RBM26: variants seen among roughly 807,000 people sequenced by gnomAD.
The protein encoded by RBM26 is RNA-binding protein 26.
A neutral mutation model predicts 123.6 loss-of-function variants in RBM26; 30 were observed. The observed-to-expected ratio is 0.24, with a 90% CI of 0.18 to 0.33. RBM26 has a LOEUF of 0.33. RBM26 is among the 10% of genes least tolerant of loss of function. The pLI, the probability that RBM26 is intolerant of heterozygous loss-of-function variation, is 1.00. For missense variants in RBM26, 947 were observed against 1,203.6 expected, an observed-to-expected ratio of 0.79 and a Z score of 3.15; for synonymous variants, 400 against 404.4, an observed-to-expected ratio of 0.99 and a Z score of 0.13.
intron 18 of RBM26, among the ~76,000 whole-genome samples, chr13:79,340,757 G>T (rs974052571): frequency 3.3e-5 from 5 of 151,794 alleles, no homozygotes; most frequent in Admixed American, 3.3e-4. Context: ...ACTAAAACTC[G>T]CATACAGCAA....
chr13:79,380,886 T>C (rs2077022639), intron 1 of RBM26, among the ~76,000 whole-genome samples: 1 of 152,102 alleles, frequency 6.6e-6, no homozygotes, highest in African/African-American at 2.4e-5. Context: ...AATCTTTCTG[T>C]GCCTGGTTTA....
Position 79,405,951 on chromosome 13 carries a change from G to A in RBM26, c.-177C>T, listed in dbSNP as rs551632882. The A allele has an allele frequency of 2.1e-5, 7 of 335,564 alleles. No individual in the cohort carries two copies. The South Asian group carries it at 8.6e-4, about 41-fold the overall frequency. 20.8% of individuals were successfully genotyped at this position (335,564 alleles called of 1,614,324 possible). A position where few individuals can be genotyped will look rare whatever the true frequency, so the allele number is the denominator to read the frequency against. On this transcript the variant is annotated 5_prime_UTR_variant, in exon 1 of 22. Transcript: ENST00000438737. ...AACAGCTCTGCAAGGACCGCCGCAGGCCACAAGTGCACGGGGTGCCAGGAG... is the reference window on the plus strand; with the variant it reads ...AACAGCTCTGCAAGGACCGCCGCAGACCACAAGTGCACGGGGTGCCAGGAG...
chr13:79,354,540 A>C lies in RBM26; in HGVS notation c.1885T>G (p.Leu629Val), dbSNP rs1481904677. 4.4e-6 allele frequency: 7 copies of C among 1,606,582 alleles called. No individual in the cohort carries two copies. Among genetic ancestry groups the C allele is most frequent in the Non-Finnish European group, 6.0e-6 (7 of 1,174,960 alleles). ...TTGACTGACTGCTTCACAACAGGCA[A>C]AATGGGCTGCTGGACTAAAGGCTGC... is the stretch of plus-strand genomic sequence containing the variant. ...VMQPLVQQPI[L>V]PVVKQSVKER... Residue 629 changes from leucine (L) to valine (V), a missense_variant, in exon 13 of 22, where the codon TTG becomes GTG. Leu to Val is a conservative substitution (Grantham distance 32). This residue lies in a region of RBM26 where 493 missense variants were observed against 563.1 expected (regional missense o/e 0.88). Coordinates refer to ENST00000438737, the MANE Select transcript of RBM26 (RefSeq NM_001366735.2).
chr13:79,391,803 T>C (rs2078020351), intron 1 of RBM26, among the ~76,000 whole-genome samples: 1 of 151,708 alleles, frequency 6.6e-6, no homozygotes, highest in African/African-American at 2.4e-5. Flanking sequence ...AAGTTGCAGA[T>C]CATATCACAA....
intron 3 of RBM26, among the ~76,000 whole-genome samples, chr13:79,375,167 TTATA>T (rs1190829150): frequency 8.3e-5 from 11 of 132,460 alleles, no homozygotes; most frequent in Admixed American, 8.1e-4. Flanking sequence ...TTTATATATA[TTATA>T]TATATATATT....
At chr13:79,383,706 T>C (rs1018633) in intron 1 of RBM26, among the ~76,000 whole-genome samples, 143,471 of 152,168 alleles carry the variant, frequency 0.94, 68,092 homozygotes, top group Non-Finnish European at 0.99. Flanking sequence ...TACACAAACA[T>C]ACGTTTATAG....
chr13:79,315,939 A>T (rs1421999654), downstream of RBM26, among the ~76,000 whole-genome samples: 1 of 151,848 alleles, frequency 6.6e-6, no homozygotes, highest in African/African-American at 2.4e-5. Flanking sequence ...CATACCTTTG[A>T]GCAACTAGCC....
chr13:79,353,214 T>A lies in RBM26; in HGVS notation c.1997A>T (p.Lys666Met). The change falls in exon 14 of 22, where the codon AAG becomes ATG. Residue 666 changes from lysine to methionine, a missense_variant. Physicochemically the swap from Lys to Met is moderately conservative, Grantham distance 95. Around this residue, in one of 5 missense-constraint regions of RBM26, gnomAD observed 493 missense variants for 563.1 expected, o/e 0.88. Coordinates refer to ENST00000438737, the MANE Select transcript of RBM26 (RefSeq NM_001366735.2). ...ASSDLPQNVT[K>M]LSVKDRLGFV... is the part of the protein sequence containing the mutation. ...ACCCAACCTGTCCTTCACAGATAAC[T>A]TAGTTACATTCTAAAAAAATTAAAA... 6.4e-7 allele frequency: 1 copy of A among 1,571,888 alleles called. No homozygotes were observed. Among genetic ancestry groups the A allele is most frequent in the Non-Finnish European group, 8.7e-7 (1 of 1,155,068 alleles).
rs986578405 is a variant in RBM26 at position 79,406,019 on chromosome 13, T to A, written c.-245A>T. On this transcript the variant is annotated 5_prime_UTR_variant, in exon 1 of 22. Transcript: ENST00000438737. ...CCAGCCCGGGCTGAAACAGCAACGG[T>A]TTGCCCGGGCCCTCCCCCTTCCCTC... The A allele has an allele frequency of 7.8e-6, 2 of 255,442 alleles. No individual in the cohort carries two copies. The highest frequency in any genetic ancestry group is 1.3e-5 in the Non-Finnish European group (2 of 148,318). 15.8% of individuals were successfully genotyped at this position (255,442 alleles called of 1,614,324 possible).
rs769954308 is a variant in RBM26 at position 79,342,774 on chromosome 13, T to G, written c.2317A>C (p.Ile773Leu). 4.3e-6 allele frequency: 7 copies of G among 1,609,890 alleles called. No individual in the cohort carries two copies. In the East Asian group the frequency reaches 1.6e-4, roughly 36 times the overall value. ...GTCAAAACCTCTAAAGTTTTCATTA[T>G]TTCTGCTTTATCTTCAGACTTCATT... ...KTMKSEDKAE[I>L]MKTLEVLTKN... The change falls in exon 17 of 22, where the codon ATA becomes CTA. Residue 773 changes from isoleucine (I) to leucine (L), a missense_variant. Transcript: ENST00000438737.
chr13:79,318,211 C>T (rs1281734748), downstream of RBM26, among the ~76,000 whole-genome samples: 1 of 150,858 alleles, frequency 6.6e-6, no homozygotes, highest in African/African-American at 2.4e-5. Context: ...TCTCATGTTC[C>T]ACTCCATCAA....
chr13:79,345,899 G>C (rs774524440), intron 14 of RBM26, among the ~76,000 whole-genome samples: 1 of 152,026 alleles, frequency 6.6e-6, no homozygotes, highest in Non-Finnish European at 1.5e-5. Context: ...AAGAAAAACA[G>C]TTTAAGTTCC....
At chr13:79,359,497 C>A in intron 10 of RBM26, 78 bp downstream of exon 10, 1 of 693,066 alleles carries the variant, frequency 1.4e-6, no homozygotes, top group Admixed American at 2.8e-5. Context: ...GAAACCAAAC[C>A]ATATTGTCAT....
chr13:79,368,244 T>A (rs1014836871), intron 6 of RBM26, among the ~76,000 whole-genome samples: 6 of 152,190 alleles, frequency 3.9e-5, no homozygotes, highest in Non-Finnish European at 8.8e-5. Context: ...GCCAGGATGG[T>A]CTAGATCTCC....
At chr13:79,311,833 T>C (rs1165164862) in exon 5 of RBM26, 1 of 152,086 alleles carries the variant, frequency 6.6e-6, no homozygotes, top group African/African-American at 2.4e-5. Flanking sequence ...CAACTGTTTT[T>C]AGTAAGACTT....
At position 79,365,677 on chromosome 13, in the gene RBM26, T is replaced by C. The variant is rs2075185840; in HGVS notation, c.1318A>G (p.Ile440Val). Residue 440 changes from isoleucine to valine, a missense_variant, in exon 9 of 22, where the codon ATA becomes GTA. Ile to Val is a conservative substitution (Grantham distance 29, BLOSUM62 3). Around this residue, in one of 5 missense-constraint regions of RBM26, gnomAD observed 493 missense variants for 563.1 expected, o/e 0.88. Transcript: ENST00000438737. ...TDGYNPEAPS[I>V]TNTSRPMYRH... ...TACATAGGTCTGGAAGTGTTTGTTA[T>C]GCTTGGGGCTTCAGGATTGTAGCCA... 3 of 1,613,986 alleles carry C rather than the reference T, an allele frequency of 1.9e-6. No individual in the cohort carries two copies. Among genetic ancestry groups the C allele is most frequent in the Non-Finnish European group, 2.5e-6 (3 of 1,179,864 alleles).
chr13:79,359,625 G>A lies in RBM26; in HGVS notation c.1479C>T (p.Thr493=). 6.3e-7 allele frequency: 1 copy of A among 1,598,860 alleles called. No homozygotes were observed. Among genetic ancestry groups the A allele is most frequent in the Non-Finnish European group, 8.5e-7 (1 of 1,173,696 alleles). Residue 493 remains threonine (T), a synonymous_variant, in exon 10 of 22, where the codon ACC becomes ACT. Coordinates refer to ENST00000438737, the MANE Select transcript of RBM26 (RefSeq NM_001366735.2). ...GAACTCCAGGCTCTCCAGAACCAAT[G>A]GTTCTTTTCCTTGATTCTGAGTCCA... ...IVVDSESRKR[T]IGSGEPGVPT...
intron 6 of RBM26, among the ~76,000 whole-genome samples, chr13:79,368,065 AC>A (rs1342646373): frequency 1.4e-5 from 2 of 147,804 alleles, no homozygotes; most frequent in Non-Finnish European, 3.0e-5. Context: ...TCGCTCTGTC[AC>A]CCGGGCTAGA....
intron 15 of RBM26, 135 bp downstream of exon 15, chr13:79,344,534 A>G: frequency 1.1e-6 from 1 of 879,968 alleles, no homozygotes; most frequent in Non-Finnish European, 1.7e-6. Context: ...CCGCTATACT[A>G]TGGAAAATAA....
Sources: gnomAD v4.1 joint callset for allele counts (sites outside exome capture counted in the v4.1 genomes callset) on GRCh38, gnomAD v4.1.1 for gene constraint, gnomAD v4.1.1 regional missense constraint, MANE v1.5 for transcripts, NCBI Gene and HGNC (gene_info 2026-07-23, HGNC 2026-07-21) for gene names.